The following PKHD1L1 variants were observed in gnomAD, a reference collection of about 807,000 sequenced individuals.
The protein encoded by PKHD1L1 is PKHD1 like 1.
PKHD1L1 carries 434 observed loss-of-function variants against 462.9 expected under a neutral mutation model. That is an observed-to-expected ratio of 0.94 (90% CI 0.87 to 1.02). The LOEUF is 1.02. PKHD1L1 is among the 50% of genes least tolerant of loss of function. The pLI, the probability that PKHD1L1 is intolerant of heterozygous loss-of-function variation, is 0.00. For synonymous variants in PKHD1L1, 1,781 were observed against 1,750.0 expected (o/e 1.02, Z -0.44); for missense variants, 5,202 against 5,096.1 (o/e 1.02, Z -0.63).
At chr8:109,440,599 A>T (rs1815722953) in intron 32 of PKHD1L1, 111 bp from the exon 33 acceptor site, 6 of 900,338 alleles carry the variant, frequency 6.7e-6, no homozygotes, top group Non-Finnish European at 9.8e-6. Context: ...AGTAATGTAC[A>T]GTTAAATATC....
Position 109,389,123 on chromosome 8 carries a change from T to C in PKHD1L1, c.668T>C (p.Met223Thr). The C allele has an allele frequency of 1.2e-6, 2 of 1,611,152 alleles. No homozygotes were observed. Among genetic ancestry groups the C allele is most frequent in the Non-Finnish European group, 1.7e-6 (2 of 1,178,020 alleles). The change falls in exon 8 of 78, where the codon ATG (methionine) becomes ACG (threonine). Residue 223 changes from methionine (M) to threonine (T), a missense_variant. Met to Thr is a moderately conservative substitution (Grantham distance 81, BLOSUM62 -1). Transcript: ENST00000378402. ...CATCCAAATGGAGATATGGGTTCTA[T>C]GGTTTGTAAGACGACTGGAACTTTT... ...LDHPNGDMGS[M>T]VCKTTGTFIG...
chr8:109,513,582 A>G (rs1427628065), intron 71 of PKHD1L1, among the ~76,000 whole-genome samples: 1 of 152,080 alleles, frequency 6.6e-6, no homozygotes, highest in East Asian at 1.9e-4. Flanking sequence ...TTCTAAGAAT[A>G]TGAGACTTTA....
intron 50 of PKHD1L1, among the ~76,000 whole-genome samples, chr8:109,472,786 A>G (rs894443275): frequency 6.6e-6 from 1 of 152,172 alleles, no homozygotes; most frequent in African/African-American, 2.4e-5. Context: ...AAATAAAATT[A>G]TTTACTTCTA....
chr8:109,494,781 T>C (rs1277946639), intron 63 of PKHD1L1, among the ~76,000 whole-genome samples: 1 of 151,946 alleles, frequency 6.6e-6, no homozygotes, highest in Non-Finnish European at 1.5e-5. Flanking sequence ...ACTCAGTACT[T>C]ATAATTGCAT....
In PKHD1L1 at chr8:109,402,173, A is replaced by C. The variant is rs543485790; in HGVS notation, c.1373+585A>C. Among the ~76,000 whole-genome samples, 3 of 152,316 alleles carry C rather than the reference A, an allele frequency of 2.0e-5. No homozygotes were observed. The East Asian group carries it at 5.8e-4, about 29-fold the overall frequency. On this transcript the variant is annotated intron_variant, in intron 14 of 77. Transcript: ENST00000378402. ...CCATTCAGAATTCCTAGGAAACAGG[A>C]AGATAAAAGACATGATACATTGAAA... is the stretch of plus-strand genomic sequence containing the variant.
rs1818074374 is a variant in PKHD1L1, at chr8:109,477,891, A to G, written c.9089+495A>G. On this transcript the variant is annotated intron_variant, in intron 53 of 77. Coordinates refer to ENST00000378402, the MANE Select transcript of PKHD1L1 (RefSeq NM_177531.6). ...ATTTTAATTCTTTTAGTTAAAAACA[A>G]TATTTCTATCTTTGTAACTTACATA... 2.0e-5 allele frequency among the ~76,000 whole-genome samples: 3 copies of G among 152,308 alleles called. No individual in the cohort carries two copies. In the South Asian group the frequency reaches 6.2e-4, roughly 32 times the overall value.
chr8:109,365,574 C>G (rs916296519), intron 2 of PKHD1L1, among the ~76,000 whole-genome samples: 4 of 152,148 alleles, frequency 2.6e-5, no homozygotes, highest in Non-Finnish European at 5.9e-5. Context: ...ATTCATATAT[C>G]TTTAACCATA....
In PKHD1L1 at chr8:109,477,348, A is replaced by G. The variant is rs371115876; in HGVS notation, c.9041A>G (p.His3014Arg). The G allele has an allele frequency of 6.2e-7, 1 of 1,613,412 alleles. No individual in the cohort carries two copies. Among genetic ancestry groups the G allele is most frequent in the Non-Finnish European group, 8.5e-7 (1 of 1,179,636 alleles). Residue 3014 changes from histidine to arginine, a missense_variant, in exon 53 of 78, where the codon CAT becomes CGT. Around this residue, in one of 3 missense-constraint regions of PKHD1L1, gnomAD observed 4,497 missense variants for 4,336.8 expected, o/e 1.04. Coordinates refer to ENST00000378402, the MANE Select transcript of PKHD1L1 (RefSeq NM_177531.6). ...CCILQDCFPV[H>R]PPSRKPIPKK... Reference sequence around the variant, plus strand: ...ATTCTCCAGGATTGCTTTCCTGTACATCCGCCATCAAGAAAACCAATTCCC... The same window carrying G: ...ATTCTCCAGGATTGCTTTCCTGTACGTCCGCCATCAAGAAAACCAATTCCC...
intron 21 of PKHD1L1, among the ~76,000 whole-genome samples, chr8:109,417,694 C>T (rs551254741): frequency 3.9e-5 from 6 of 152,144 alleles, no homozygotes; most frequent in South Asian, 4.2e-4. Context: ...GGATTACAGG[C>T]GCGTGCCACC....
chr8:109,474,432 A>G (rs1235835968), intron 50 of PKHD1L1, among the ~76,000 whole-genome samples: 3 of 152,176 alleles, frequency 2.0e-5, no homozygotes, highest in Admixed American at 6.6e-5. Context: ...TAAATTATAT[A>G]GTTTTTCCTG....
At chr8:109,404,044 G>A (rs1195447380) in intron 14 of PKHD1L1, among the ~76,000 whole-genome samples, 4 of 152,050 alleles carry the variant, frequency 2.6e-5, no homozygotes, top group Admixed American at 2.0e-4. Flanking sequence ...AAATCTGACC[G>A]GTAAAAGTTT....
chr8:109,379,580 T>C (rs1000027157), intron 2 of PKHD1L1, among the ~76,000 whole-genome samples: 4 of 152,158 alleles, frequency 2.6e-5, no homozygotes, highest in East Asian at 3.8e-4. Flanking sequence ...GGCAGACATA[T>C]GCTGTTGTTT....
rs1816093149 is a variant in PKHD1L1, at chr8:109,445,622, T to G, written c.5753T>G (p.Leu1918Arg). 1 of 1,608,176 alleles carries G rather than the reference T, an allele frequency of 6.2e-7. No individual in the cohort carries two copies. The highest frequency in any genetic ancestry group is 2.2e-5 in the East Asian group (1 of 44,812). ...TATGCCCTGGAGGATACTCCATTTC[T>G]CAGAGGAATTATCCCAAGCAGAGGT... ...FTYALEDTPF[L>R]RGIIPSRGPP... is the part of the protein sequence containing the mutation. The change falls in exon 38 of 78, where the codon CTC (leucine) becomes CGC (arginine). Residue 1918 changes from leucine to arginine, a missense_variant. By Grantham distance (102) the Leu-to-Arg change is moderately radical. Around this residue, in one of 3 missense-constraint regions of PKHD1L1, gnomAD observed 4,497 missense variants for 4,336.8 expected, o/e 1.04. Transcript: ENST00000378402.
At chr8:109,517,383 T>A (rs1820324816) in intron 72 of PKHD1L1, among the ~76,000 whole-genome samples, 1 of 152,130 alleles carries the variant, frequency 6.6e-6, no homozygotes. Context: ...TTCTTTTTCC[T>A]AGTAAGCCTC....
In PKHD1L1 at chr8:109,442,143, T is replaced by C. The variant is rs1486278193; in HGVS notation, c.4341T>C (p.Ser1447=). Residue 1447 remains serine, a synonymous_variant, in exon 35 of 78, where the codon AGT becomes AGC. Transcript: ENST00000378402. Reference sequence around the variant, plus strand: ...TTTTTTCTGTCTCCAGTCCTGGAAGTGTAATTTATGATGGCAAAGGATTCA... The same window carrying C: ...TTTTTTCTGTCTCCAGTCCTGGAAGCGTAATTTATGATGGCAAAGGATTCA... ...YRIFSVSSPG[S]VIYDGKGFTS... 1.2e-6 allele frequency: 2 copies of C among 1,613,230 alleles called. No individual in the cohort carries two copies. The highest frequency in any genetic ancestry group is 8.5e-7 in the Non-Finnish European group (1 of 1,179,514).
chr8:109,378,596 C>T (rs1301619224), intron 2 of PKHD1L1, among the ~76,000 whole-genome samples: 1 of 152,216 alleles, frequency 6.6e-6, no homozygotes, highest in Non-Finnish European at 1.5e-5. Flanking sequence ...TCCCACTTCA[C>T]ATCTTCATGG....
chr8:109,385,699 G>T, intron 6 of PKHD1L1, 69 bp downstream of exon 6: 1 of 995,604 alleles, frequency 1.0e-6, no homozygotes, highest in Non-Finnish European at 1.4e-6. Context: ...AAAATAATGG[G>T]TCCAATGATA....
At chr8:109,435,162 T>C in intron 28 of PKHD1L1, 28 bp from the exon 29 acceptor site, 1 of 1,610,482 alleles carries the variant, frequency 6.2e-7, no homozygotes, top group South Asian at 1.1e-5. Context: ...ATTTACCATT[T>C]TCTTCATCTT....
chr8:109,435,775 C>T (rs1202699008), intron 29 of PKHD1L1, among the ~76,000 whole-genome samples: 1 of 152,188 alleles, frequency 6.6e-6, no homozygotes, highest in African/African-American at 2.4e-5. Flanking sequence ...GAACATAACA[C>T]ATTTTTCCTG....
Sources: allele counts gnomAD v4.1 joint callset (sites outside exome capture counted in the v4.1 genomes callset), GRCh38; gene constraint gnomAD v4.1.1; regional missense constraint gnomAD v4.1.1; transcripts MANE v1.5; gene names NCBI Gene and HGNC (gene_info 2026-07-23, HGNC 2026-07-21).